Variants in AP2A2 observed in about 807,000 individuals in gnomAD.
AP2A2 encodes adaptor related protein complex 2 subunit alpha 2.
Under a neutral mutation model 104.2 loss-of-function variants are expected in AP2A2, and 32 were observed. That is an observed-to-expected ratio of 0.31 (90% CI 0.23 to 0.41). The LOEUF (loss-of-function observed/expected upper bound fraction) is 0.41. Ranked by LOEUF, AP2A2 falls within the 10% of genes least tolerant of loss-of-function variation. The pLI, the probability that AP2A2 is intolerant of heterozygous loss-of-function variation, is 1.00. For missense variants in AP2A2, 912 were observed against 1,261.0 expected (o/e 0.72, Z 4.19); for synonymous variants, 539 against 533.3 (o/e 1.01, Z -0.15).
At chr11:950,401 C>T (rs1854013371) in intron 1 of AP2A2, among the ~76,000 whole-genome samples, 1 of 151,782 alleles carries the variant, frequency 6.6e-6, no homozygotes, top group Admixed American at 6.6e-5. Flanking sequence ...CTCCACCTCC[C>T]AGGTTCAAGA....
chr11:981,868 G>GCCA (rs1564807275), intron 6 of AP2A2, among the ~76,000 whole-genome samples: 1 of 152,242 alleles, frequency 6.6e-6, no homozygotes, highest in Non-Finnish European at 1.5e-5. Context: ...GTTTCCATGT[G>GCCA]CACGAGATGG....
chr11:974,185 G>A (rs1443837973), intron 4 of AP2A2, among the ~76,000 whole-genome samples: 4 of 151,666 alleles, frequency 2.6e-5, no homozygotes, highest in Non-Finnish European at 4.4e-5. Flanking sequence ...CCCATGAAGG[G>A]AGTGGGTGGC....
intron 2 of AP2A2, among the ~76,000 whole-genome samples, chr11:963,856 G>A (rs1231772616): frequency 3.3e-5 from 5 of 152,194 alleles, no homozygotes; most frequent in Admixed American, 6.5e-5. Flanking sequence ...AAACTTATGG[G>A]CTCAAGAGAT....
chr11:999,564 A>G (rs998117335), intron 14 of AP2A2, among the ~76,000 whole-genome samples: 8 of 152,034 alleles, frequency 5.3e-5, no homozygotes, highest in African/African-American at 1.9e-4. Context: ...CCTGGACTCA[A>G]GCAGTCTTTC....
At chr11:977,920 T>A (rs1177542610) in intron 5 of AP2A2, among the ~76,000 whole-genome samples, 2 of 152,106 alleles carry the variant, frequency 1.3e-5, no homozygotes, top group African/African-American at 2.4e-5. Flanking sequence ...AATGCCACTT[T>A]CCCATGTTGC....
intron 6 of AP2A2, 39 bp downstream of exon 6, chr11:981,338 T>G: frequency 6.9e-7 from 1 of 1,442,320 alleles, no homozygotes; most frequent in Non-Finnish European, 9.6e-7. Context: ...CAGGGTGGGT[T>G]TTGTCTTAGT....
At chr11:963,213 G>T (rs1327721356) in intron 2 of AP2A2, among the ~76,000 whole-genome samples, 4 of 152,130 alleles carry the variant, frequency 2.6e-5, no homozygotes, top group Admixed American at 2.0e-4. Flanking sequence ...ATCAGTTGAG[G>T]TCAGGAGTTT....
intron 1 of AP2A2, among the ~76,000 whole-genome samples, chr11:936,450 A>G (rs1326161404): frequency 2.6e-5 from 4 of 151,566 alleles, no homozygotes; most frequent in Non-Finnish European, 4.4e-5. Context: ...CTGGAGTGCA[A>G]TGTTGCAATC....
intron 1 of AP2A2, among the ~76,000 whole-genome samples, chr11:959,108 G>A (rs754011784): frequency 2.0e-5 from 3 of 152,266 alleles, no homozygotes; most frequent in Non-Finnish European, 2.9e-5. Flanking sequence ...AGATATTTGA[G>A]TTCTGAGCTT....
intron 6 of AP2A2, among the ~76,000 whole-genome samples, chr11:982,696 G>A (rs556548680): frequency 6.6e-6 from 1 of 151,800 alleles, no homozygotes; most frequent in Admixed American, 6.6e-5. Context: ...TGGTGCCCAG[G>A]TTGGAGTGCA....
At chr11:926,171 T>C in intron 1 of AP2A2, 83 bp downstream of exon 1, 1 of 947,756 alleles carries the variant, frequency 1.1e-6, no homozygotes, top group Non-Finnish European at 1.4e-6. Context: ...GGGCGGGGCC[T>C]CGAGGCGGGG....
At chr11:1,006,885 G>A in intron 17 of AP2A2, 1 of 439,802 alleles carries the variant, frequency 2.3e-6, no homozygotes, top group Non-Finnish European at 4.0e-6. Context: ...GCCAGTGTGA[G>A]TCCCTTTCCT....
rs1434906779 is a variant in AP2A2, at chr11:992,157, G to A, written c.1270-346G>A. ...GGTGGCGCAGTCAGAGGTCAGAGGAGTGCTGCCACCGGGAGCCTAGGGTGA... is the reference window on the plus strand; with the variant it reads ...GGTGGCGCAGTCAGAGGTCAGAGGAATGCTGCCACCGGGAGCCTAGGGTGA... On this transcript the variant is annotated intron_variant, in intron 10 of 21. Transcript: ENST00000448903. The surrounding 1 kb of genome is among the most constrained non-coding windows in gnomAD (Gnocchi z 6.4). 6.6e-6 allele frequency among the ~76,000 whole-genome samples: 1 copy of A among 152,024 alleles called. No homozygotes were observed. Among genetic ancestry groups the A allele is most frequent in the Non-Finnish European group, 1.5e-5 (1 of 68,012 alleles).
chr11:955,147 A>G (rs1227111745), intron 1 of AP2A2, among the ~76,000 whole-genome samples: 1 of 152,190 alleles, frequency 6.6e-6, no homozygotes, highest in Non-Finnish European at 1.5e-5. Flanking sequence ...CAGACTTAAT[A>G]GCACAGATCT....
rs756375194 is a variant in AP2A2, at chr11:992,722, G to C, written c.1452+37G>C. 1.2e-6 allele frequency: 2 copies of C among 1,611,632 alleles called. No homozygotes were observed. Among genetic ancestry groups the C allele is most frequent in the Non-Finnish European group, 1.7e-6 (2 of 1,178,564 alleles). ...AGGATGGCAGGAAGGATGGGGTGGAGGGCAGTTGCAGAAGGTGAGCAGTGA... is the reference window on the plus strand; with the variant it reads ...AGGATGGCAGGAAGGATGGGGTGGACGGCAGTTGCAGAAGGTGAGCAGTGA... On this transcript the variant is annotated intron_variant, in intron 11 of 21. Transcript: ENST00000448903. This position sits in a 1 kb window ranked among gnomAD's most constrained non-coding sequence, Gnocchi z 6.4.
chr11:930,710 C>T (rs775729271), intron 1 of AP2A2, among the ~76,000 whole-genome samples: 206 of 152,198 alleles, frequency 1.4e-3, no homozygotes, highest in Admixed American at 2.9e-3. Context: ...TTAGTAGAGA[C>T]GGGGTTTCAC....
At chr11:954,751 G>A (rs1283993099) in intron 1 of AP2A2, among the ~76,000 whole-genome samples, 5 of 152,100 alleles carry the variant, frequency 3.3e-5, no homozygotes, top group Non-Finnish European at 7.4e-5. Flanking sequence ...TTGTGTGTGT[G>A]TGTGTTGAAA....
Position 972,110 on chromosome 11 carries a change from C to G in AP2A2, c.328C>G (p.Arg110Gly). 6.2e-7 allele frequency: 1 copy of G among 1,613,784 alleles called. No individual in the cohort carries two copies. Among genetic ancestry groups the G allele is most frequent in the Non-Finnish European group, 8.5e-7 (1 of 1,179,818 alleles). Residue 110 changes from arginine to glycine, a missense_variant, in exon 4 of 22, where the codon CGC (arginine) becomes GGC (glycine). Arg to Gly is a moderately radical substitution (Grantham distance 125). This residue lies in a region of AP2A2 where 350 missense variants were observed against 487.0 expected (regional missense o/e 0.72). Transcript: ENST00000448903. ...VLVNSNSELI[R>G]LINNAIKNDL... ...GGTGAACTCAAACAGTGAGCTGATC[C>G]GCCTGATCAACAACGCCATCAAGAA...
At chr11:942,116 GGGGGGTTTCACCCTGTTAGCCA>G (rs1853670739) in intron 1 of AP2A2, among the ~76,000 whole-genome samples, 1 of 151,974 alleles carries the variant, frequency 6.6e-6, no homozygotes, top group Non-Finnish European at 1.5e-5. Flanking sequence ...TTAGTAGAGA[GGGGGGTTTCACCCTGTTAGCCA>G]GGATGGTCTC....
Sources: gnomAD v4.1 joint callset for allele counts (sites outside exome capture counted in the v4.1 genomes callset) on GRCh38, gnomAD v4.1.1 for gene constraint, gnomAD v4.1.1 regional missense constraint, Gnocchi (gnomAD v3.1) non-coding constraint, MANE v1.5 for transcripts, NCBI Gene and HGNC (gene_info 2026-07-23, HGNC 2026-07-21) for gene names.